GSE1: variants seen among roughly 807,000 people sequenced by gnomAD.
The protein encoded by GSE1 is genetic suppressor element 1.
A neutral mutation model predicts 112.6 loss-of-function variants in GSE1; 32 were observed. The observed-to-expected ratio is 0.28, with a 90% CI of 0.21 to 0.38. The LOEUF is 0.38. Ranked by LOEUF, GSE1 falls within the 10% of genes least tolerant of loss-of-function variation. GSE1 has a pLI of 1.00. For synonymous variants in GSE1, 1,115 were observed against 735.6 expected (o/e 1.52, Z -8.35); for missense variants, 2,348 against 1,699.2 (o/e 1.38, Z -6.71).
chr16:85,274,578 A>C (rs1213368698), intron 1 of GSE1, among the ~76,000 whole-genome samples: 1 of 152,184 alleles, frequency 6.6e-6, no homozygotes, highest in Non-Finnish European at 1.5e-5. Context: ...ATGAATGGGC[A>C]GCCGTCGAGG....
At chr16:85,257,186 G>A (rs1907177470) in intron 1 of GSE1, among the ~76,000 whole-genome samples, 1 of 152,176 alleles carries the variant, frequency 6.6e-6, no homozygotes, top group Admixed American at 6.5e-5. Context: ...TCGGCCCACT[G>A]CAACCTCCAC....
At chr16:85,636,489 G>A (rs1398140887) in intron 2 of GSE1, among the ~76,000 whole-genome samples, 1 of 152,224 alleles carries the variant, frequency 6.6e-6, no homozygotes, top group Non-Finnish European at 1.5e-5. Context: ...CGTGACCTCA[G>A]CCACTCAGTG....
At chr16:85,299,147 G>A (rs1175465976) in intron 1 of GSE1, among the ~76,000 whole-genome samples, 1 of 152,228 alleles carries the variant, frequency 6.6e-6, no homozygotes, top group African/African-American at 2.4e-5. Flanking sequence ...ATGTCCGTAT[G>A]TTTGCACCGT....
intron 1 of GSE1, among the ~76,000 whole-genome samples, chr16:85,202,231 T>A (rs1161081432): frequency 6.6e-6 from 1 of 152,144 alleles, no homozygotes; most frequent in Non-Finnish European, 1.5e-5. Context: ...GAACCTCTCC[T>A]CCCCAGCCCC....
intron 1 of GSE1, among the ~76,000 whole-genome samples, chr16:85,318,187 T>A (rs953005084): frequency 6.6e-6 from 1 of 152,216 alleles, no homozygotes; most frequent in Non-Finnish European, 1.5e-5. Context: ...CTTTCTAAAC[T>A]TCAAAGGGCA....
rs763330643 is a variant in GSE1 at position 85,663,481 on chromosome 16, G to C, written c.2511G>C (p.Gln837His). Residue 837 changes from glutamine (Q) to histidine (H), a missense_variant, in exon 11 of 16, where the codon CAG becomes CAC. By Grantham distance (24) the Gln-to-His change is conservative. Transcript: ENST00000253458. Reference sequence around the variant, plus strand: ...CCCCAACAATTCAGAGCAAGCGGCAGACGCCTTCACCGAGACTGGCGCTGT... The same window carrying C: ...CCCCAACAATTCAGAGCAAGCGGCACACGCCTTCACCGAGACTGGCGCTGT... ...PSPPTIQSKRQTPSPRLALST... is the reference protein window; with the variant it reads ...PSPPTIQSKRHTPSPRLALST... 6.2e-7 allele frequency: 1 copy of C among 1,613,948 alleles called. No homozygotes were observed. Among genetic ancestry groups the C allele is most frequent in the Middle Eastern group, 1.6e-4 (1 of 6,062 alleles).
chr16:85,664,311 G>T (rs901193646), intron 11 of GSE1, among the ~76,000 whole-genome samples: 1 of 152,216 alleles, frequency 6.6e-6, no homozygotes, highest in African/African-American at 2.4e-5. Context: ...GGAGAAAGTC[G>T]AAGGAAAGCA....
chr16:85,602,588 CTCTCTGGGCATGTAGCCTA>C (rs1289956984), intron 1 of GSE1, among the ~76,000 whole-genome samples: 1 of 152,056 alleles, frequency 6.6e-6, no homozygotes, highest in Non-Finnish European at 1.5e-5. Flanking sequence ...CTCCTGGGTG[CTCTCTGGGCATGTAGCCTA>C]TCTCTGGGTG....
rs1481659236 is a variant in GSE1 at position 85,408,353 on chromosome 16, A to AG, written c.2464+50712dup. Among the ~76,000 whole-genome samples the AG allele has an allele frequency of 3.9e-4, 3 of 7,604 alleles. 1 individual carries two copies. The allele number at this position is 7,604 out of a possible 152,430, so 5.0% of individuals were successfully genotyped here. ...CCGGATAATCCTCACTGTTACTCTC[A>AG]GGCCCCCCGGATAATCCTCACTGTT... On this transcript the variant is annotated intron_variant, in intron 2 of 2. Transcript: ENST00000637419.
intron 1 of GSE1, among the ~76,000 whole-genome samples, chr16:85,559,558 C>A (rs964491857): frequency 6.6e-6 from 1 of 152,230 alleles, no homozygotes; most frequent in Non-Finnish European, 1.5e-5. Flanking sequence ...CAGCCATTGC[C>A]CCAGGGGCAG....
At chr16:85,318,530 G>A (rs1200888702) in intron 1 of GSE1, among the ~76,000 whole-genome samples, 1 of 152,198 alleles carries the variant, frequency 6.6e-6, no homozygotes, top group Non-Finnish European at 1.5e-5. Flanking sequence ...CTCCCAAAGT[G>A]CTGGGATTAC....
rs141072843 is a variant in GSE1, at chr16:85,259,689, A to T, written c.2283+87882A>T. Reference sequence around the variant, plus strand: ...GGAGAGGGGAATTGAGAGCAGTAACAGTCCCGAGGGCAGGGCTGTGCCCCT... The same window carrying T: ...GGAGAGGGGAATTGAGAGCAGTAACTGTCCCGAGGGCAGGGCTGTGCCCCT... On this transcript the variant is annotated intron_variant, in intron 1 of 2. Transcript: ENST00000637419. 2.8e-3 allele frequency among the ~76,000 whole-genome samples: 421 copies of T among 152,302 alleles called. 5 individuals carry two copies. The highest frequency in any genetic ancestry group is 9.3e-3 in the African/African-American group (387 of 41,572).
chr16:85,260,645 G>A (rs999700170), intron 1 of GSE1, among the ~76,000 whole-genome samples: 1 of 152,314 alleles, frequency 6.6e-6, no homozygotes, highest in African/African-American at 2.4e-5. Flanking sequence ...TCAACTCAGC[G>A]ACTACTCTGG....
Position 85,525,092 on chromosome 16 carries a change from G to A in GSE1, c.2465-108822G>A, listed in dbSNP as rs546753438. 5.0e-4 allele frequency among the ~76,000 whole-genome samples: 76 copies of A among 152,286 alleles called. 1 individual carries two copies. In the South Asian group the frequency reaches 0.016, roughly 31 times the overall value. ...GTTGCGTCACCACGTCTGCTGGCCC[G>A]GGGGGTTTCGCCAGCCTCCTGGCCT... On this transcript the variant is annotated intron_variant, in intron 2 of 2. Transcript: ENST00000637419.
intron 1 of GSE1, among the ~76,000 whole-genome samples, chr16:85,199,779 C>T (rs558329432): frequency 1.1e-4 from 16 of 152,210 alleles, no homozygotes; most frequent in African/African-American, 3.6e-4. Context: ...CAGCAGGGAA[C>T]GGTTTTGAGC....
intron 1 of GSE1, among the ~76,000 whole-genome samples, chr16:85,200,937 C>T (rs2075016966): frequency 6.6e-6 from 1 of 152,202 alleles, no homozygotes; most frequent in Non-Finnish European, 1.5e-5. Context: ...TGAGTCTGAA[C>T]AGGCCAGAGA....
At chr16:85,553,359 C>T (rs1191665836), upstream of GSE1, among the ~76,000 whole-genome samples, 1 of 151,282 alleles carries the variant, frequency 6.6e-6, no homozygotes, top group East Asian at 1.9e-4. Context: ...CCACGCAGCT[C>T]CGGAAACAAA....
chr16:85,184,083 C>A (rs1038159583), intron 1 of GSE1, among the ~76,000 whole-genome samples: 1 of 152,200 alleles, frequency 6.6e-6, no homozygotes, highest in Non-Finnish European at 1.5e-5. Context: ...AGAAGCAAGG[C>A]GTCACCTGTG....
At chr16:85,666,730 T>C (rs536980555) in intron 13 of GSE1, 145 of 237,048 alleles carry the variant, frequency 6.1e-4, no homozygotes, top group Middle Eastern at 1.7e-3. Flanking sequence ...AATCATGTTT[T>C]TCAAGACAGA....
Sources: gnomAD v4.1 joint callset for allele counts (sites outside exome capture counted in the v4.1 genomes callset) on GRCh38, gnomAD v4.1.1 for gene constraint, MANE v1.5 for transcripts, NCBI Gene and HGNC (gene_info 2026-07-23, HGNC 2026-07-21) for gene names.